KIAA0825: variants seen among roughly 807,000 people sequenced by gnomAD.
KIAA0825 encodes uncharacterized protein KIAA0825.
In KIAA0825, 119 loss-of-function variants were observed where a neutral mutation model predicts 147.6. The observed-to-expected ratio is 0.81, with a 90% CI of 0.69 to 0.94. The LOEUF (loss-of-function observed/expected upper bound fraction) is 0.94, where lower values mean the gene tolerates loss of function less well. Ranked by LOEUF, KIAA0825 falls within the 40% of genes least tolerant of loss-of-function variation. The pLI is 0.00. For missense variants in KIAA0825, 1,381 were observed against 1,472.7 expected (o/e 0.94, Z 1.02); for synonymous variants, 470 against 518.1 (o/e 0.91, Z 1.26).
intron 20 of KIAA0825, among the ~76,000 whole-genome samples, chr5:94,277,130 A>C (rs182400991): frequency 1.3e-5 from 2 of 152,148 alleles, no homozygotes; most frequent in African/African-American, 2.4e-5. Context: ...TTTCAGTCTC[A>C]TTTGATACTC....
intron 3 of KIAA0825, among the ~76,000 whole-genome samples, chr5:94,535,887 C>A (rs1455457402): frequency 6.6e-6 from 1 of 152,182 alleles, no homozygotes. Context: ...ATATGCTATC[C>A]AGTCTTCCTA....
At chr5:94,367,342 C>CA in intron 20 of KIAA0825, among the ~76,000 whole-genome samples, 1 of 152,004 alleles carries the variant, frequency 6.6e-6, no homozygotes, top group South Asian at 2.1e-4. Context: ...AATAAAAATA[C>CA]AAAAAATTAG....
intron 20 of KIAA0825, among the ~76,000 whole-genome samples, chr5:94,172,473 C>T (rs1163956328): frequency 6.6e-6 from 1 of 152,190 alleles, no homozygotes; most frequent in African/African-American, 2.4e-5. Context: ...AGATTATCCC[C>T]TAAATACTCA....
intron 20 of KIAA0825, among the ~76,000 whole-genome samples, chr5:94,327,181 C>T (rs971517081): frequency 3.3e-5 from 5 of 152,060 alleles, no homozygotes; most frequent in Admixed American, 2.0e-4. Flanking sequence ...TGATGCTCAG[C>T]AAATGTTAAT....
intron 20 of KIAA0825, among the ~76,000 whole-genome samples, chr5:94,276,114 G>T (rs1777212439): frequency 6.6e-6 from 1 of 152,060 alleles, no homozygotes; most frequent in African/African-American, 2.4e-5. Context: ...AAGCACACCA[G>T]GAAAAGTGAA....
intron 20 of KIAA0825, among the ~76,000 whole-genome samples, chr5:94,229,566 C>CT (rs1230981265): frequency 5.7e-5 from 8 of 140,530 alleles, no homozygotes; most frequent in Non-Finnish European, 7.8e-5. Context: ...TTTCTGTTCT[C>CT]TTTTTTTTTG....
chr5:94,359,042 T>TA (rs35524074), intron 20 of KIAA0825, among the ~76,000 whole-genome samples: 4 of 152,206 alleles, frequency 2.6e-5, no homozygotes, highest in Admixed American at 6.5e-5. Context: ...TTTTGGCTGA[T>TA]AAAAAATTGA....
At chr5:94,474,324 C>T (rs879801427) in intron 7 of KIAA0825, among the ~76,000 whole-genome samples, 1 of 152,110 alleles carries the variant, frequency 6.6e-6, no homozygotes, top group Non-Finnish European at 1.5e-5. Context: ...AGTTCAAAAG[C>T]ATTATGGGTA....
rs1783787038 is a variant in KIAA0825, at chr5:94,588,721, A to G, written c.-152-6138T>C. On this transcript the variant is annotated intron_variant, in intron 1 of 20. Coordinates refer to ENST00000682413, the MANE Select transcript of KIAA0825 (RefSeq NM_001145678.3). ...CCAAAGGATTATAAATCATGGTACT[A>G]TAGAGACACATGCACACATATGTTT... is the stretch of plus-strand genomic sequence containing the variant. Among the ~76,000 whole-genome samples the G allele has an allele frequency of 5.3e-5, 8 of 152,352 alleles. No homozygotes were observed. The South Asian group carries it at 1.7e-3, about 32-fold the overall frequency.
intron 1 of KIAA0825, among the ~76,000 whole-genome samples, chr5:94,588,819 A>C (rs1435118557): frequency 1.3e-5 from 2 of 152,214 alleles, no homozygotes; most frequent in Non-Finnish European, 2.9e-5. Context: ...CTGAATAAAG[A>C]AAATGTGGCA....
In KIAA0825 at chr5:94,396,419, A is replaced by G. The variant is rs919117628; in HGVS notation, c.2978T>C (p.Phe993Ser). 6.5e-7 allele frequency: 1 copy of G among 1,550,366 alleles called. No homozygotes were observed. The highest frequency in any genetic ancestry group is 8.7e-7 in the Non-Finnish European group (1 of 1,146,520). ...CATTTTTCTCTCAGACAGAAAAAAGAAGTATTTAACTGGGGGAGGCAAACA... is the reference window on the plus strand; with the variant it reads ...CATTTTTCTCTCAGACAGAAAAAAGGAGTATTTAACTGGGGGAGGCAAACA... ...IACLPPPVKY[F>S]FFLSERKMSK... The change falls in exon 17 of 21, where the codon TTC becomes TCC. Residue 993 changes from phenylalanine to serine, a missense_variant. By Grantham distance (155) the Phe-to-Ser change is radical. Coordinates refer to ENST00000682413, the MANE Select transcript of KIAA0825 (RefSeq NM_001145678.3).
chr5:94,334,125 C>CA (rs1781554903), intron 20 of KIAA0825, among the ~76,000 whole-genome samples: 1 of 150,034 alleles, frequency 6.7e-6, no homozygotes, highest in Admixed American at 6.6e-5. Flanking sequence ...AGTGCATCTA[C>CA]AAAAAAATTA....
chr5:94,531,651 G>C (rs2151298390), intron 3 of KIAA0825, among the ~76,000 whole-genome samples: 1 of 152,274 alleles, frequency 6.6e-6, no homozygotes, highest in East Asian at 1.9e-4. Context: ...GCAGTTGGGG[G>C]AATTAGCCCA....
At chr5:94,274,858 G>T (rs1021831787) in intron 20 of KIAA0825, among the ~76,000 whole-genome samples, 12 of 152,122 alleles carry the variant, frequency 7.9e-5, no homozygotes, top group African/African-American at 2.7e-4. Context: ...GCCTTAGATT[G>T]TAGCAGTATT....
intron 5 of KIAA0825, among the ~76,000 whole-genome samples, chr5:94,509,156 T>C (rs1766143080): frequency 2.0e-5 from 3 of 152,120 alleles, no homozygotes; most frequent in Admixed American, 6.5e-5. Context: ...TCTCTGTTGA[T>C]TGAAAATGAC....
intron 1 of KIAA0825, chr5:94,593,571 G>C: frequency 1.8e-6 from 1 of 557,164 alleles, no homozygotes; most frequent in Non-Finnish European, 3.4e-6. Context: ...CTGAAGAAAA[G>C]AAACAACTTA....
intron 20 of KIAA0825, among the ~76,000 whole-genome samples, chr5:94,162,805 T>C (rs1767702524): frequency 6.6e-6 from 1 of 152,220 alleles, no homozygotes. Context: ...TTTAGTGTTT[T>C]GTACACTGTA....
chr5:94,318,034 T>C (rs1488373615), intron 20 of KIAA0825, among the ~76,000 whole-genome samples: 3 of 151,726 alleles, frequency 2.0e-5, no homozygotes, highest in Admixed American at 1.3e-4. Flanking sequence ...CATTTTTTTC[T>C]GCAGTGGAAT....
At chr5:94,294,687 T>C (rs1239618360) in intron 20 of KIAA0825, among the ~76,000 whole-genome samples, 3 of 152,122 alleles carry the variant, frequency 2.0e-5, no homozygotes, top group African/African-American at 7.2e-5. Context: ...GAATGTGCCA[T>C]TGCACTCCAG....
Sources: gnomAD v4.1 joint callset for allele counts (sites outside exome capture counted in the v4.1 genomes callset) on GRCh38, gnomAD v4.1.1 for gene constraint, MANE v1.5 for transcripts, NCBI Gene and HGNC (gene_info 2026-07-23, HGNC 2026-07-21) for gene names.